The following GLI3 variants were observed in gnomAD, a reference collection of about 807,000 sequenced individuals.
GLI3 encodes the protein GLI family zinc finger 3, also known as transcription activator GLI3.
Under a neutral mutation model 100.8 loss-of-function variants are expected in GLI3, and 20 were observed. The observed-to-expected ratio is 0.20, with a 90% CI of 0.14 to 0.29. The LOEUF (loss-of-function observed/expected upper bound fraction) is 0.29. Ranked by LOEUF, GLI3 falls within the 10% of genes least tolerant of loss-of-function variation. The probability of loss-of-function intolerance (pLI) is 1.00; values close to 1 mark genes in which losing one functional copy is unlikely to be tolerated. For missense variants in GLI3, 2,040 were observed against 2,128.5 expected (o/e 0.96, Z 0.82); for synonymous variants, 938 against 860.5 (o/e 1.09, Z -1.58).
At position 42,072,914 on chromosome 7, in the gene GLI3, GGA is replaced by G. The variant is rs1404643215; in HGVS notation, c.473+3836_473+3837del. 3.3e-5 allele frequency among the ~76,000 whole-genome samples: 5 copies of G among 152,138 alleles called. No homozygotes were observed. In the East Asian group the frequency reaches 9.6e-4, roughly 29 times the overall value. The stretch of plus-strand genomic sequence containing the variant: ...GTCTCTCAAAGGATTTGAGAGAGAG[GGA>G]GAGAGAGCAACATTCCATTTGTTTA... On this transcript the variant is annotated intron_variant, in intron 4 of 14. Transcript: ENST00000395925.
At chr7:42,005,294 A>G (rs888582569) in intron 10 of GLI3, among the ~76,000 whole-genome samples, 2 of 152,104 alleles carry the variant, frequency 1.3e-5, no homozygotes, top group African/African-American at 4.8e-5. Context: ...CCCTTATTGA[A>G]TGCTTTGGTG....
At chr7:41,993,555 T>C (rs1183737050) in intron 10 of GLI3, among the ~76,000 whole-genome samples, 1 of 152,184 alleles carries the variant, frequency 6.6e-6, no homozygotes, top group Admixed American at 6.5e-5. Flanking sequence ...TATTGTCTGC[T>C]CCGCCCACCA....
In GLI3 at chr7:41,968,689, G is replaced by A. The variant is rs867447545; in HGVS notation, c.2104-766C>T. 1.8e-3 allele frequency among the ~76,000 whole-genome samples: 98 copies of A among 54,664 alleles called. 1 individual carries two copies. Among genetic ancestry groups the A allele is most frequent in the South Asian group, 2.9e-3 (4 of 1,392 alleles). The allele number at this position is 54,664 out of a possible 152,430, so 35.9% of individuals were successfully genotyped here. A position where few individuals can be genotyped will look rare whatever the true frequency, so the allele number is the denominator to read the frequency against. On this transcript the variant is annotated intron_variant, in intron 13 of 14. Coordinates refer to ENST00000395925, the MANE Select transcript of GLI3 (RefSeq NM_000168.6). The stretch of plus-strand genomic sequence containing the variant: ...TACCAAGAAAGAAAGAAAGAAAGAA[G>A]AAAGAAAGAAAGAAAGAAAGAAAGA...
rs147356060 is a variant in GLI3 at position 42,027,374 on chromosome 7, TTA to T, written c.1029-964_1029-963del. Among the ~76,000 whole-genome samples, 95 of 151,802 alleles carry T rather than the reference TTA, an allele frequency of 6.3e-4. 1 individual carries two copies. The highest frequency in any genetic ancestry group is 2.1e-3 in the African/African-American group (87 of 41,418). ...AAAAAATAATCAGTGAAAAAAATAT[TTA>T]TATATATATATGTATGTATTTCTCC... On this transcript the variant is annotated intron_variant, in intron 7 of 14. Transcript: ENST00000395925.
intron 2 of GLI3, among the ~76,000 whole-genome samples, chr7:42,210,353 CCA>C (rs1259382239): frequency 9.5e-6 from 1 of 105,164 alleles, no homozygotes; most frequent in Non-Finnish European, 1.8e-5. Context: ...CCCCCCCCCC[CCA>C]AGTTAAAATA....
In GLI3 at chr7:42,160,486, A is replaced by G. The variant is rs112825505; in HGVS notation, c.125-12018T>C. 6.9e-3 allele frequency among the ~76,000 whole-genome samples: 1,053 copies of G among 152,350 alleles called. 8 individuals are homozygous for G. Among genetic ancestry groups the G allele is most frequent in the African/African-American group, 0.024 (979 of 41,572 alleles). ...GGGGTCACGGCATACAATATTTCTA[A>G]TAATTTTGTGTATGAAACAAAGTTT... On this transcript the variant is annotated intron_variant, in intron 2 of 14. Coordinates refer to ENST00000395925, the MANE Select transcript of GLI3 (RefSeq NM_000168.6).
At chr7:42,238,456 C>G (rs1788879655), upstream of GLI3, among the ~76,000 whole-genome samples, 1 of 152,218 alleles carries the variant, frequency 6.6e-6, no homozygotes, top group Non-Finnish European at 1.5e-5. Flanking sequence ...GGGTTTTTCT[C>G]TCCACCGGAC....
intron 1 of GLI3, among the ~76,000 whole-genome samples, chr7:42,262,674 AC>A (rs1180550343): frequency 6.6e-6 from 1 of 152,232 alleles, no homozygotes; most frequent in East Asian, 1.9e-4. Flanking sequence ...TGACAGTGCA[AC>A]ATTTTAAAGA....
At chr7:41,980,138 T>C (rs73688610) in intron 10 of GLI3, among the ~76,000 whole-genome samples, 54 of 152,318 alleles carry the variant, frequency 3.5e-4, no homozygotes, top group African/African-American at 1.2e-3. Flanking sequence ...GAGTGGTACA[T>C]TGCAGCACAC....
rs941540829 is a variant in GLI3 at position 42,236,405 on chromosome 7, C to A, written c.-43+566G>T. ...TACAACTTTCACTTTTCCTCTATGACGACGAAGGCGCGCCTCTCTCCATCC... is the reference window on the plus strand; with the variant it reads ...TACAACTTTCACTTTTCCTCTATGAAGACGAAGGCGCGCCTCTCTCCATCC... On this transcript the variant is annotated intron_variant, in intron 1 of 14. Coordinates refer to ENST00000395925, the MANE Select transcript of GLI3 (RefSeq NM_000168.6). Among the ~76,000 whole-genome samples the A allele has an allele frequency of 1.3e-4, 20 of 152,350 alleles. No homozygotes were observed. The East Asian group carries it at 3.9e-3, about 30-fold the overall frequency.
At chr7:42,222,894 T>C in intron 2 of GLI3, 1 of 495,872 alleles carries the variant, frequency 2.0e-6, no homozygotes. Flanking sequence ...ATAAATAACC[T>C]ATCACATTTA....
intron 4 of GLI3, among the ~76,000 whole-genome samples, chr7:42,050,211 A>C (rs1784327478): frequency 6.6e-6 from 1 of 152,144 alleles, no homozygotes; most frequent in Admixed American, 6.5e-5. Context: ...TTTGTTACTT[A>C]GATGCTACTT....
intron 10 of GLI3, among the ~76,000 whole-genome samples, chr7:41,980,394 CAGGGCT>C (rs1326119428): frequency 6.6e-6 from 1 of 152,186 alleles, no homozygotes; most frequent in African/African-American, 2.4e-5. Context: ...TACACAAGAC[CAGGGCT>C]TTCCCAAATG....
chr7:42,024,210 G>T (rs1450038776), intron 9 of GLI3, among the ~76,000 whole-genome samples: 5 of 152,058 alleles, frequency 3.3e-5, no homozygotes, highest in African/African-American at 1.2e-4. Context: ...CACTACCCAG[G>T]GCCCAGGGGC....
In GLI3 at chr7:41,967,856, G is replaced by T; in HGVS notation, c.2171C>A (p.Ser724Tyr). ...CAGAGGAAGCTCGAGCCCACTGTTG[G>T]AATAGTTGCTGATGGGGGACTGTTG... ...SSQQSPISNY[S>Y]NSGLELPLTD... The change falls in exon 14 of 15, where the codon TCC becomes TAC. Residue 724 changes from serine to tyrosine, a missense_variant. Coordinates refer to ENST00000395925, the MANE Select transcript of GLI3 (RefSeq NM_000168.6). 1 of 1,614,156 alleles carries T rather than the reference G, an allele frequency of 6.2e-7. No individual in the cohort carries two copies. Among genetic ancestry groups the T allele is most frequent in the Non-Finnish European group, 8.5e-7 (1 of 1,180,020 alleles).
chr7:42,072,911 G>C (rs749747975), intron 4 of GLI3, among the ~76,000 whole-genome samples: 15 of 152,174 alleles, frequency 9.9e-5, no homozygotes, highest in Non-Finnish European at 1.6e-4. Context: ...ATTTGAGAGA[G>C]AGGGAGAGAG....
intron 2 of GLI3, among the ~76,000 whole-genome samples, chr7:42,153,586 G>T (rs573367735): frequency 2.8e-4 from 42 of 152,038 alleles, no homozygotes; most frequent in Admixed American, 2.3e-3. Context: ...AAATGTTAAG[G>T]GGGGGTGGGG....
At chr7:42,145,316 T>C (rs992752808) in intron 3 of GLI3, 1 of 366,196 alleles carries the variant, frequency 2.7e-6, no homozygotes, top group Non-Finnish European at 4.8e-6. Context: ...AATAATACTA[T>C]ATCTTTTATG....
At chr7:41,991,884 G>A (rs758417652) in intron 10 of GLI3, among the ~76,000 whole-genome samples, 2 of 152,178 alleles carry the variant, frequency 1.3e-5, no homozygotes, top group Admixed American at 6.5e-5. Context: ...ATGGTGCCAA[G>A]TATAGGATTG....
Sources: gnomAD v4.1 joint callset for allele counts (sites outside exome capture counted in the v4.1 genomes callset) on GRCh38, gnomAD v4.1.1 for gene constraint, MANE v1.5 for transcripts, NCBI Gene and HGNC (gene_info 2026-07-23, HGNC 2026-07-21) for gene names.